CLDN14: variants seen among roughly 807,000 people sequenced by gnomAD.
CLDN14 encodes the protein claudin 14.
CLDN14 carries 2 observed loss-of-function variants against 2.1 expected under a neutral mutation model. The ratio of observed to expected loss-of-function variants is 0.96; its 90% CI spans 0.39 to 3.01. The LOEUF is 3.01. CLDN14 is among the 30% of genes most tolerant of loss of function. CLDN14 has a pLI of 0.09. For synonymous variants in CLDN14, 136 were observed against 154.4 expected, an observed-to-expected ratio of 0.88 and a Z score of 0.88; for missense variants, 298 against 328.0, an observed-to-expected ratio of 0.91 and a Z score of 0.71.
chr21:36,572,595 A>G (rs956914839), intron 1 of CLDN14, among the ~76,000 whole-genome samples: 7 of 152,208 alleles, frequency 4.6e-5, no homozygotes, highest in Non-Finnish European at 8.8e-5. Context: ...CAGTCTAAGA[A>G]TTTTGAACTC....
At chr21:36,558,855 C>T (rs925233176) in intron 1 of CLDN14, among the ~76,000 whole-genome samples, 1 of 151,818 alleles carries the variant, frequency 6.6e-6, no homozygotes, top group Admixed American at 6.6e-5. Flanking sequence ...AATTTAGATG[C>T]TTGTCCTTGT....
At position 36,546,409 on chromosome 21, in the gene CLDN14, A is replaced by AT. The variant is rs111838184; in HGVS notation, c.-220+30001dup. Among the ~76,000 whole-genome samples the AT allele has an allele frequency of 4.6e-3, 697 of 152,208 alleles. 12 individuals are homozygous for AT. The highest frequency in any genetic ancestry group is 0.016 in the African/African-American group (658 of 41,522). On this transcript the variant is annotated intron_variant, in intron 1 of 2. Transcript: ENST00000342108. ...TGTGCTTGTTCTGAGCAATGGGCTT[A>AT]TTTTTTATCACTAGACACTGTGATA...
At chr21:36,562,066 T>C (rs1216607810) in intron 1 of CLDN14, among the ~76,000 whole-genome samples, 1 of 152,052 alleles carries the variant, frequency 6.6e-6, no homozygotes, top group African/African-American at 2.4e-5. Context: ...CCTTGGTGCA[T>C]GAAAATGCAG....
chr21:36,531,214 G>T (rs2087376834), intron 1 of CLDN14, among the ~76,000 whole-genome samples: 1 of 151,920 alleles, frequency 6.6e-6, no homozygotes, highest in Non-Finnish European at 1.5e-5. Context: ...GGTGAAGAGT[G>T]AGACCCTGTC....
chr21:36,558,296 G>A (rs558632553), intron 1 of CLDN14, among the ~76,000 whole-genome samples: 1 of 152,158 alleles, frequency 6.6e-6, no homozygotes, highest in East Asian at 1.9e-4. Flanking sequence ...TGAATTTTAG[G>A]ATTTTTTTTC....
At chr21:36,569,180 G>C (rs1450562492) in intron 1 of CLDN14, among the ~76,000 whole-genome samples, 3 of 152,264 alleles carry the variant, frequency 2.0e-5, no homozygotes, top group African/African-American at 7.2e-5. Context: ...CACTTTGGGA[G>C]GCTGAGGCAG....
chr21:36,507,476 A>G (rs1168479641), intron 2 of CLDN14, among the ~76,000 whole-genome samples: 2 of 152,104 alleles, frequency 1.3e-5, no homozygotes, highest in African/African-American at 4.8e-5. Flanking sequence ...TCAATAAAAA[A>G]AGGTTGACCG....
chr21:36,532,918 G>C (rs1221031654), intron 1 of CLDN14, among the ~76,000 whole-genome samples: 1 of 152,062 alleles, frequency 6.6e-6, no homozygotes, highest in Non-Finnish European at 1.5e-5. Flanking sequence ...TACAACATCT[G>C]CATTGGTGAC....
intron 1 of CLDN14, among the ~76,000 whole-genome samples, chr21:36,464,563 G>A (rs1164694133): frequency 1.3e-5 from 2 of 151,888 alleles, no homozygotes; most frequent in African/African-American, 4.9e-5. Context: ...GAGAAGGACC[G>A]GGGCCGGCTG....
Position 36,486,054 on chromosome 21 carries a change from C to T in CLDN14, c.-81-24278G>A, listed in dbSNP as rs748365714. The T allele has an allele frequency of 1.3e-5, 19 of 1,416,774 alleles. No individual in the cohort carries two copies. In the Admixed American group the frequency reaches 2.2e-4, roughly 16 times the overall value. The allele number at this position is 1,416,774 out of a possible 1,614,324, so 87.8% of individuals were successfully genotyped here. ...GCCTGGCAGGCCAGGGAGCCCACAGCGTTTCAAATGGCTTCATTGTTGGGA... is the reference window on the plus strand; with the variant it reads ...GCCTGGCAGGCCAGGGAGCCCACAGTGTTTCAAATGGCTTCATTGTTGGGA... On this transcript the variant is annotated intron_variant, in intron 2 of 2. Coordinates refer to the CLDN14 transcript ENST00000342108.
At chr21:36,534,877 G>A (rs189273232) in intron 1 of CLDN14, among the ~76,000 whole-genome samples, 1 of 152,196 alleles carries the variant, frequency 6.6e-6, no homozygotes, top group East Asian at 1.9e-4. Context: ...CATACCAAGA[G>A]GAAATGCAAC....
At chr21:36,549,660 G>A (rs2087550107) in intron 1 of CLDN14, among the ~76,000 whole-genome samples, 1 of 152,212 alleles carries the variant, frequency 6.6e-6, no homozygotes, top group African/African-American at 2.4e-5. Flanking sequence ...GAAAGATCAC[G>A]GTTGGCCAGC....
At chr21:36,522,130 A>G (rs894493553) in intron 1 of CLDN14, among the ~76,000 whole-genome samples, 2 of 151,834 alleles carry the variant, frequency 1.3e-5, no homozygotes, top group Non-Finnish European at 2.9e-5. Context: ...ATCATAGCCC[A>G]CTCCCTGGCC....
At chr21:36,521,768 C>T (rs113937057) in intron 1 of CLDN14, among the ~76,000 whole-genome samples, 1,893 of 152,194 alleles carry the variant, frequency 0.012, 42 homozygotes, top group African/African-American at 0.044. Flanking sequence ...GGCCTGGGGT[C>T]CTTGTGTCAG....
Position 36,550,174 on chromosome 21 carries a change from G to A in CLDN14, c.-220+26237C>T, listed in dbSNP as rs139598835. Among the ~76,000 whole-genome samples, 484 of 152,276 alleles carry A rather than the reference G, an allele frequency of 3.2e-3. 2 individuals are homozygous for A. Among genetic ancestry groups the A allele is most frequent in the African/African-American group, 0.011 (440 of 41,552 alleles). ...TCTTTCTAAATGCCCCAGAGTACTAGGAGGACACAACCTACGTTTAAATTT... is the reference window on the plus strand; with the variant it reads ...TCTTTCTAAATGCCCCAGAGTACTAAGAGGACACAACCTACGTTTAAATTT... On this transcript the variant is annotated intron_variant, in intron 1 of 2. Coordinates refer to the CLDN14 transcript ENST00000342108.
intron 1 of CLDN14, among the ~76,000 whole-genome samples, chr21:36,560,532 T>C (rs1969666013): frequency 6.6e-6 from 1 of 152,234 alleles, no homozygotes; most frequent in Non-Finnish European, 1.5e-5. Flanking sequence ...ATTCTGTGAA[T>C]GTGCTATTTT....
intron 2 of CLDN14, among the ~76,000 whole-genome samples, chr21:36,497,693 A>G (rs1317753000): frequency 6.6e-6 from 1 of 151,990 alleles, no homozygotes; most frequent in African/African-American, 2.4e-5. Flanking sequence ...TTTAGCCAAG[A>G]CACCTTTCCC....
chr21:36,518,528 G>A (rs983161318), intron 1 of CLDN14, among the ~76,000 whole-genome samples: 1 of 152,182 alleles, frequency 6.6e-6, no homozygotes, highest in African/African-American at 2.4e-5. Flanking sequence ...GAATCTGGGA[G>A]GCGGCGGTTG....
chr21:36,463,040 AGGAAG>A (rs2086599629), intron 1 of CLDN14, among the ~76,000 whole-genome samples: 1 of 152,108 alleles, frequency 6.6e-6, no homozygotes, highest in African/African-American at 2.4e-5. Context: ...GCACAGAGAA[AGGAAG>A]GAAAAAAAGG....
Sources: allele counts gnomAD v4.1 joint callset (sites outside exome capture counted in the v4.1 genomes callset), GRCh38; gene constraint gnomAD v4.1.1; transcripts MANE v1.5; gene names NCBI Gene and HGNC (gene_info 2026-07-23, HGNC 2026-07-21).